Variants in PDSS2 observed in about 807,000 individuals in gnomAD.
The protein encoded by PDSS2 is all trans-polyprenyl-diphosphate synthase PDSS2.
Under a neutral mutation model 44.5 loss-of-function variants are expected in PDSS2, and 31 were observed. The observed-to-expected ratio is 0.70, with a 90% CI of 0.52 to 0.94. The LOEUF (loss-of-function observed/expected upper bound fraction) is 0.94, where lower values mean the gene tolerates loss of function less well. Ranked by LOEUF, PDSS2 falls within the 40% of genes least tolerant of loss-of-function variation. The probability of loss-of-function intolerance (pLI) is 0.00; values close to 1 mark genes in which losing one functional copy is unlikely to be tolerated. For synonymous variants in PDSS2, 157 were observed against 180.3 expected (o/e 0.87, Z 1.03); for missense variants, 452 against 482.2 (o/e 0.94, Z 0.59).
intron 4 of PDSS2, among the ~76,000 whole-genome samples, chr6:107,241,449 C>G (rs1774427193): frequency 6.7e-6 from 1 of 149,110 alleles, no homozygotes; most frequent in South Asian, 2.2e-4. Context: ...CGGGTTCACA[C>G]CATTCTTCTG....
At chr6:107,177,221 C>T (rs1036225154) in intron 7 of PDSS2, among the ~76,000 whole-genome samples, 1 of 149,490 alleles carries the variant, frequency 6.7e-6, no homozygotes, top group African/African-American at 2.5e-5. Flanking sequence ...ACCTCTGCCT[C>T]TCGGGTTCAA....
chr6:107,449,069 T>C (rs1250868251), intron 1 of PDSS2, among the ~76,000 whole-genome samples: 1 of 152,130 alleles, frequency 6.6e-6, no homozygotes, highest in Non-Finnish European at 1.5e-5. Flanking sequence ...AGCAACTTTA[T>C]CCCATGTATA....
chr6:107,452,239 G>A (rs186303241), intron 1 of PDSS2, among the ~76,000 whole-genome samples: 2 of 150,948 alleles, frequency 1.3e-5, no homozygotes, highest in Non-Finnish European at 1.5e-5. Flanking sequence ...TGAGTTTAGA[G>A]AGTTCTTTTT....
intron 1 of PDSS2, among the ~76,000 whole-genome samples, chr6:107,425,964 A>G (rs1336724688): frequency 4.6e-5 from 7 of 151,536 alleles, no homozygotes; most frequent in Non-Finnish European, 7.4e-5. Flanking sequence ...TCGTCTCGAA[A>G]AAAAAAAAAA....
intron 7 of PDSS2, among the ~76,000 whole-genome samples, chr6:107,191,595 C>T (rs773537345): frequency 5.9e-5 from 9 of 152,154 alleles, no homozygotes; most frequent in South Asian, 2.1e-4. Flanking sequence ...GTGATAACGA[C>T]GCACCAATGT....
At chr6:107,364,154 C>A (rs1233660551) in intron 1 of PDSS2, among the ~76,000 whole-genome samples, 1 of 152,262 alleles carries the variant, frequency 6.6e-6, no homozygotes, top group African/African-American at 2.4e-5. Flanking sequence ...CACGTCCCCA[C>A]CAGACTCAGG....
intron 7 of PDSS2, among the ~76,000 whole-genome samples, chr6:107,192,747 T>A (rs1366941422): frequency 6.6e-6 from 1 of 151,088 alleles, no homozygotes; most frequent in Non-Finnish European, 1.5e-5. Context: ...TTCCTGGGTA[T>A]AAGAACCAGT....
Position 107,380,697 on chromosome 6 carries a change from AGTTAGCTATGATTCTTT to A in PDSS2, c.297-46382_297-46366del, listed in dbSNP as rs571158917. Among the ~76,000 whole-genome samples the A allele has an allele frequency of 8.9e-4, 136 of 152,280 alleles. 2 individuals are homozygous for A. Among genetic ancestry groups the A allele is most frequent in the Non-Finnish European group, 1.7e-3 (113 of 68,008 alleles). The stretch of plus-strand genomic sequence containing the variant: ...GACAGTTCTTGCAGCTTATGTTCCC[AGTTAGCTATGATTCTTT>A]GTATTCACCTTTCTCTCTAGTTTTC... On this transcript the variant is annotated intron_variant, in intron 1 of 7. Coordinates refer to ENST00000369037, the MANE Select transcript of PDSS2 (RefSeq NM_020381.4).
At chr6:107,194,265 C>T (rs55951669) in intron 6 of PDSS2, among the ~76,000 whole-genome samples, 1 of 152,140 alleles carries the variant, frequency 6.6e-6, no homozygotes, top group Non-Finnish European at 1.5e-5. Flanking sequence ...TAGCTTTTTT[C>T]CCCAAAACCA....
intron 7 of PDSS2, among the ~76,000 whole-genome samples, chr6:107,160,375 C>T (rs1198890520): frequency 6.6e-6 from 1 of 152,084 alleles, no homozygotes; most frequent in Admixed American, 6.6e-5. Flanking sequence ...TCTAAAAGGC[C>T]TTCCTCTGTC....
chr6:107,409,438 T>C (rs9400115), intron 1 of PDSS2, among the ~76,000 whole-genome samples: 19,444 of 152,094 alleles, frequency 0.13, 1,479 homozygotes, highest in East Asian at 0.24. Flanking sequence ...GAAAATATTT[T>C]GGAAAAAGCT....
chr6:107,172,753 A>AAC (rs1411234258), intron 7 of PDSS2, among the ~76,000 whole-genome samples: 17 of 151,710 alleles, frequency 1.1e-4, no homozygotes, highest in South Asian at 6.3e-4. Flanking sequence ...GTCATAATAA[A>AAC]ACACACACAC....
At chr6:107,364,461 T>C (rs1054761101) in intron 1 of PDSS2, among the ~76,000 whole-genome samples, 2 of 152,236 alleles carry the variant, frequency 1.3e-5, no homozygotes, top group African/African-American at 4.8e-5. Flanking sequence ...GGGGACTCAG[T>C]ACACCCTCCG....
chr6:107,380,878 G>A (rs1779434573), intron 1 of PDSS2, among the ~76,000 whole-genome samples: 1 of 152,152 alleles, frequency 6.6e-6, no homozygotes, highest in South Asian at 2.1e-4. Flanking sequence ...AGGAGAAACT[G>A]GAAGTCACAA....
At chr6:107,405,449 A>T (rs1562518567) in intron 1 of PDSS2, among the ~76,000 whole-genome samples, 5 of 152,048 alleles carry the variant, frequency 3.3e-5, no homozygotes. Flanking sequence ...AGAGAGAGAA[A>T]CAAAGGATCT....
At chr6:107,395,145 GAT>G (rs1429396622) in intron 1 of PDSS2, among the ~76,000 whole-genome samples, 27 of 151,906 alleles carry the variant, frequency 1.8e-4, no homozygotes, top group African/African-American at 5.3e-4. Context: ...TATAGTTTCT[GAT>G]ATGTCTTGAT....
At chr6:107,378,041 AT>A (rs1418760626) in intron 1 of PDSS2, among the ~76,000 whole-genome samples, 1 of 150,922 alleles carries the variant, frequency 6.6e-6, no homozygotes, top group East Asian at 1.9e-4. Context: ...TATAATAATA[AT>A]AAAAAAATAA....
At chr6:107,414,898 C>T (rs1331328745) in intron 1 of PDSS2, among the ~76,000 whole-genome samples, 2 of 152,106 alleles carry the variant, frequency 1.3e-5, no homozygotes, top group Non-Finnish European at 2.9e-5. Context: ...GAGAATGTCC[C>T]ATTGGAAATT....
At chr6:107,431,369 C>A (rs1781188729) in intron 1 of PDSS2, among the ~76,000 whole-genome samples, 1 of 152,222 alleles carries the variant, frequency 6.6e-6, no homozygotes, top group African/African-American at 2.4e-5. Context: ...CCTCCCACCT[C>A]AGCCTCCTGA....
Sources: allele counts gnomAD v4.1 joint callset (sites outside exome capture counted in the v4.1 genomes callset), GRCh38; gene constraint gnomAD v4.1.1; transcripts MANE v1.5; gene names NCBI Gene and HGNC (gene_info 2026-07-23, HGNC 2026-07-21).